TTC24: variants seen among roughly 807,000 people sequenced by gnomAD.
The protein encoded by TTC24 is tetratricopeptide repeat domain 24, also known as tetratricopeptide repeat protein 24.
A neutral mutation model predicts 63.3 loss-of-function variants in TTC24; 54 were observed. That is an observed-to-expected ratio of 0.85 (90% CI 0.69 to 1.07). TTC24 has a LOEUF of 1.07. Among genes scored for constraint, TTC24 ranks in the 50% least tolerant of loss-of-function variants. The pLI, the probability that TTC24 is intolerant of heterozygous loss-of-function variation, is 0.00. For missense variants in TTC24, 680 were observed against 730.5 expected (o/e 0.93, Z 0.80); for synonymous variants, 276 against 304.3 (o/e 0.91, Z 0.97).
Position 156,583,002 on chromosome 1 carries a change from C to A in TTC24, c.911-40C>A. On this transcript the variant is annotated intron_variant, in intron 3 of 10. Transcript: ENST00000368236. This position sits in a 1 kb window ranked among gnomAD's most constrained non-coding sequence, Gnocchi z 4.0. Reference sequence around the variant, plus strand: ...GGGTGGGGTCCTGATGTCCCAGCAGCCAGAGTCCCCTCTGAGGATGGGGTG... The same window carrying A: ...GGGTGGGGTCCTGATGTCCCAGCAGACAGAGTCCCCTCTGAGGATGGGGTG... The A allele has an allele frequency of 1.3e-6, 2 of 1,575,520 alleles. No homozygotes were observed. The highest frequency in any genetic ancestry group is 1.7e-6 in the Non-Finnish European group (2 of 1,159,402).
chr1:156,583,318 C>A lies in TTC24; in HGVS notation c.1040-20C>A. On this transcript the variant is annotated intron_variant, in intron 4 of 10. Transcript: ENST00000368236. The surrounding 1 kb of genome is among the most constrained non-coding windows in gnomAD (Gnocchi z 4.0). ...GGGTAGGAAGTCATGAAAGGACCTT[C>A]CAGGCTCTCTTTCTCTCAGGGGACA... 1 of 1,611,828 alleles carries A rather than the reference C, an allele frequency of 6.2e-7. No homozygotes were observed. The highest frequency in any genetic ancestry group is 8.5e-7 in the Non-Finnish European group (1 of 1,178,848).
chr1:156,581,414 C>T lies in TTC24; in HGVS notation c.50C>T (p.Pro17Leu). The T allele has an allele frequency of 4.5e-6, 7 of 1,542,154 alleles. No homozygotes were observed. The highest frequency in any genetic ancestry group is 6.1e-6 in the Non-Finnish European group (7 of 1,142,460). The change falls in exon 2 of 11, where the codon CCC (proline) becomes CTC (leucine). Residue 17 changes from proline to leucine, a missense_variant. Transcript: ENST00000368236. ...EDVPRRPEPE[P>L]SSSNKKKKKR... is the part of the protein sequence containing the mutation. ...GTGCCCCGGAGGCCAGAACCTGAGC[C>T]CTCAAGCTCCAATAAGAAAAAGAAG... is the stretch of plus-strand genomic sequence containing the variant.
At position 156,586,079 on chromosome 1, in the gene TTC24, A is replaced by G. The variant is rs772902782; in HGVS notation, c.1667+34A>G. 5 of 1,411,656 alleles carry G rather than the reference A, an allele frequency of 3.5e-6. No homozygotes were observed. In the South Asian group the frequency reaches 6.2e-5, roughly 18 times the overall value. 87.4% of individuals were successfully genotyped at this position (1,411,656 alleles called of 1,614,324 possible). A position where few individuals can be genotyped will look rare whatever the true frequency, so the allele number is the denominator to read the frequency against. ...TTGGGGGAAAGAAGGAGGCCTGGAG[A>G]ATAGCAAAAAAAGTAGAATGTGTGG... On this transcript the variant is annotated intron_variant, in intron 10 of 10. Transcript: ENST00000368236.
Position 156,583,279 on chromosome 1 carries a change from G to T in TTC24, c.1040-59G>T. On this transcript the variant is annotated intron_variant, in intron 4 of 10. Coordinates refer to ENST00000368236, the MANE Select transcript of TTC24 (RefSeq NM_001105669.4). This position sits in a 1 kb window ranked among gnomAD's most constrained non-coding sequence, Gnocchi z 4.0. ...ACTGAGGGTAGGGAGTGCCTCTGAGGGGGTGGATCAGTGGGGTAGGAAGTC... is the reference window on the plus strand; with the variant it reads ...ACTGAGGGTAGGGAGTGCCTCTGAGTGGGTGGATCAGTGGGGTAGGAAGTC... The T allele has an allele frequency of 6.2e-7, 1 of 1,607,800 alleles. No individual in the cohort carries two copies. Among genetic ancestry groups the T allele is most frequent in the Non-Finnish European group, 8.5e-7 (1 of 1,176,988 alleles).
chr1:156,582,205 C>A, intron 2 of TTC24, 26 bp from the exon 3 acceptor site: 1 of 1,536,892 alleles, frequency 6.5e-7, no homozygotes, highest in Non-Finnish European at 8.8e-7. Context: ...GGTCTGGCTA[C>A]CAGTGACCCT....
In TTC24 at chr1:156,581,728, A is replaced by G. The variant is rs1571381934; in HGVS notation, c.364A>G (p.Asn122Asp). ...CAGGCGACACGGCGACCAATGTTTC[A>G]ATGTGGCTTTGGCCTACCATGCCCT... The part of the protein sequence containing the change: ...QGRRHGDQCF[N>D]VALAYHALGE... Residue 122 changes from asparagine to aspartate, a missense_variant, in exon 2 of 11, where the codon AAT becomes GAT. By Grantham distance (23) the Asn-to-Asp change is conservative. Coordinates refer to ENST00000368236, the MANE Select transcript of TTC24 (RefSeq NM_001105669.4). 4 of 1,551,640 alleles carry G rather than the reference A, an allele frequency of 2.6e-6. No homozygotes were observed. Among genetic ancestry groups the G allele is most frequent in the Admixed American group, 2.0e-5 (1 of 50,994 alleles).
At position 156,582,282 on chromosome 1, in the gene TTC24, C is replaced by T. The variant is rs370564366; in HGVS notation, c.758C>T (p.Pro253Leu). 1.2e-5 allele frequency: 19 copies of T among 1,561,618 alleles called. No homozygotes were observed. The highest frequency in any genetic ancestry group is 4.1e-5 in the African/African-American group (3 of 73,412). ...GLGYSQLQLF[P>L]LAVEAFLQAL... ...GGCTACTCCCAGCTCCAGCTGTTCC[C>T]GCTGGCCGTGGAGGCCTTCCTGCAG... The change falls in exon 3 of 11, where the codon CCG becomes CTG. Residue 253 changes from proline (P) to leucine (L), a missense_variant. Transcript: ENST00000368236.
In TTC24 at chr1:156,582,285, T is replaced by C. The variant is rs1557956709; in HGVS notation, c.761T>C (p.Leu254Pro). The change falls in exon 3 of 11, where the codon CTG (leucine) becomes CCG (proline). Residue 254 changes from leucine to proline, a missense_variant. Coordinates refer to ENST00000368236, the MANE Select transcript of TTC24 (RefSeq NM_001105669.4). ...LGYSQLQLFP[L>P]AVEAFLQALP... ...TACTCCCAGCTCCAGCTGTTCCCGC[T>C]GGCCGTGGAGGCCTTCCTGCAGGCC... The C allele has an allele frequency of 3.2e-6, 5 of 1,564,920 alleles. No homozygotes were observed. The highest frequency in any genetic ancestry group is 1.4e-5 in the African/African-American group (1 of 73,540).
At chr1:156,584,554 A>T (rs1316024372) in intron 6 of TTC24, 1 of 291,620 alleles carries the variant, frequency 3.4e-6, no homozygotes. Context: ...CAGGCAGAGG[A>T]TTGGATTGAG....
intron 2 of TTC24, 40 bp downstream of exon 2, chr1:156,582,110 A>G: frequency 6.8e-7 from 1 of 1,463,012 alleles, no homozygotes; most frequent in Non-Finnish European, 9.0e-7. Context: ...ATCTGGGGAG[A>G]CACAGAGCCT....
At chr1:156,585,864 G>A (rs749506651) in intron 9 of TTC24, 38 bp downstream of exon 9, 2 of 1,596,958 alleles carry the variant, frequency 1.3e-6, no homozygotes, top group African/African-American at 2.7e-5. Context: ...CCAACTCGTG[G>A]TTCTTCTCTC....
At position 156,584,969 on chromosome 1, in the gene TTC24, G is replaced by A. The variant is rs1262204146; in HGVS notation, c.1344G>A (p.Gln448=). ...AKAGSSTAGV[Q]HRSSSGWEDE... ...CAGGAAGCAGCACAGCAGGTGTCCA[G>A]CACAGGTGAGGGTGGGAATGGTGCA... Residue 448 remains glutamine (Q), a synonymous_variant, in exon 7 of 11, where the codon CAG becomes CAA. Coordinates refer to ENST00000368236, the MANE Select transcript of TTC24 (RefSeq NM_001105669.4). 5 of 1,593,474 alleles carry A rather than the reference G, an allele frequency of 3.1e-6. No homozygotes were observed. Among genetic ancestry groups the A allele is most frequent in the Non-Finnish European group, 4.3e-6 (5 of 1,170,080 alleles).
chr1:156,581,900 A>T lies in TTC24; in HGVS notation c.536A>T (p.Glu179Val). 2 of 1,547,568 alleles carry T rather than the reference A, an allele frequency of 1.3e-6. No homozygotes were observed. Among genetic ancestry groups the T allele is most frequent in the Non-Finnish European group, 1.7e-6 (2 of 1,144,700 alleles). ...GAGCTAGCAGCCCACTGCCTGCAGG[A>T]AGCAAGCCAGGCCTATGCTCAAGAG... is the stretch of plus-strand genomic sequence containing the variant. ...QPELAAHCLQ[E>V]ASQAYAQERQ... The change falls in exon 2 of 11, where the codon GAA becomes GTA. Residue 179 changes from glutamate to valine, a missense_variant. Glu to Val is a moderately radical substitution (Grantham distance 121, BLOSUM62 -2). Coordinates refer to ENST00000368236, the MANE Select transcript of TTC24 (RefSeq NM_001105669.4).
At chr1:156,581,316 G>A (rs1409775270) in intron 1 of TTC24, 45 bp from the exon 2 acceptor site, 2 of 1,414,198 alleles carry the variant, frequency 1.4e-6, no homozygotes, top group Non-Finnish European at 1.9e-6. Context: ...GCTATCTAGA[G>A]GAAGCCAAGG....
Position 156,583,280 on chromosome 1 carries a change from G to T in TTC24, c.1040-58G>T, listed in dbSNP as rs1243799418. ...CTGAGGGTAGGGAGTGCCTCTGAGG[G>T]GGTGGATCAGTGGGGTAGGAAGTCA... On this transcript the variant is annotated intron_variant, in intron 4 of 10. Transcript: ENST00000368236. This position sits in a 1 kb window ranked among gnomAD's most constrained non-coding sequence, Gnocchi z 4.0. The T allele has an allele frequency of 1.2e-6, 2 of 1,607,598 alleles. No homozygotes were observed. Among genetic ancestry groups the T allele is most frequent in the East Asian group, 2.2e-5 (1 of 44,690 alleles).
chr1:156,584,942 G>A lies in TTC24; in HGVS notation c.1317G>A (p.Lys439=), dbSNP rs1383160070. The change falls in exon 7 of 11, where the codon AAG becomes AAA. Residue 439 remains lysine, a synonymous_variant. Transcript: ENST00000368236. ...GCCAGGCGGAGGGGACCCCAGCAAA[G>A]GCAGGAAGCAGCACAGCAGGTGTCC... The part of the protein sequence containing the change: ...GASQAEGTPA[K]AGSSTAGVQH... The A allele has an allele frequency of 1.2e-6, 2 of 1,604,282 alleles. No homozygotes were observed. Among genetic ancestry groups the A allele is most frequent in the Non-Finnish European group, 1.7e-6 (2 of 1,175,654 alleles).
rs1182821449 is a variant in TTC24 at position 156,582,062 on chromosome 1, G to A, written c.698G>A (p.Arg233Gln). 12 of 1,467,316 alleles carry A rather than the reference G, an allele frequency of 8.2e-6. No individual in the cohort carries two copies. The highest frequency in any genetic ancestry group is 5.7e-5 in the African/African-American group (4 of 70,086). The allele number at this position is 1,467,316 out of a possible 1,614,324, so 90.9% of individuals were successfully genotyped here. ...RRLAERSTER[R>Q]LLGHLYNDLG... ...CTTGCCGAGAGGAGCACTGAGAGGC[G>A]ACTGCTGGGTGAGACCTTCGGGCAG... Residue 233 changes from arginine to glutamine, a missense_variant, in exon 2 of 11, where the codon CGA becomes CAA. Arg to Gln is a conservative substitution (Grantham distance 43). Coordinates refer to ENST00000368236, the MANE Select transcript of TTC24 (RefSeq NM_001105669.4).
Position 156,585,785 on chromosome 1 carries a change from C to T in TTC24, c.1529C>T (p.Thr510Met), listed in dbSNP as rs147693801. The change falls in exon 9 of 11, where the codon ACG becomes ATG. Residue 510 changes from threonine to methionine, a missense_variant. Thr to Met is a moderately conservative substitution (Grantham distance 81). Coordinates refer to ENST00000368236, the MANE Select transcript of TTC24 (RefSeq NM_001105669.4). ...AGTTGCCCCACGTTTACCAAGCACA[C>T]GCCCTGCAGAGGGACAGTCCTCGGC... ...ASSCPTFTKH[T>M]PCRGTVLGKA... 1.8e-3 allele frequency: 2,952 copies of T among 1,613,942 alleles called. 50 individuals carry two copies. The African/African-American group carries it at 0.034, about 19-fold the overall frequency.
chr1:156,584,888 G>T lies in TTC24; in HGVS notation c.1263G>T (p.Pro421=). 1 of 1,582,514 alleles carries T rather than the reference G, an allele frequency of 6.3e-7. No individual in the cohort carries two copies. ...LVQTHTLTSA[P]GRLQAPGGAS... is the part of the protein sequence containing the mutation. Reference sequence around the variant, plus strand: ...CACTTCATTCCCAGACTTCGGCTCCGGGAAGACTCCAGGCTCCAGGTGGGG... The same window carrying T: ...CACTTCATTCCCAGACTTCGGCTCCTGGAAGACTCCAGGCTCCAGGTGGGG... Residue 421 remains proline (P), a synonymous_variant, in exon 7 of 11, where the codon CCG becomes CCT. Transcript: ENST00000368236.
Sources: gnomAD v4.1 joint callset for allele counts on GRCh38, gnomAD v4.1.1 for gene constraint, Gnocchi (gnomAD v3.1) non-coding constraint, MANE v1.5 for transcripts, NCBI Gene and HGNC (gene_info 2026-07-23, HGNC 2026-07-21) for gene names.